CFAP299: variants seen among roughly 807,000 people sequenced by gnomAD.
CFAP299 encodes cilia and flagella associated protein 299, also known as cilia- and flagella-associated protein 299.
In CFAP299, 21 loss-of-function variants were observed where a neutral mutation model predicts 27.0. That is an observed-to-expected ratio of 0.78 (90% CI 0.55 to 1.12). CFAP299 has a LOEUF of 1.12. Ranked by LOEUF, CFAP299 falls within the 50% of genes most tolerant of loss-of-function variation. The pLI, the probability that CFAP299 is intolerant of heterozygous loss-of-function variation, is 0.00. For missense variants in CFAP299, 310 were observed against 276.6 expected (o/e 1.12, Z -0.86); for synonymous variants, 104 against 98.1 (o/e 1.06, Z -0.36).
chr4:80,495,924 G>T (rs1731414760), intron 2 of CFAP299, among the ~76,000 whole-genome samples: 1 of 152,200 alleles, frequency 6.6e-6, no homozygotes, highest in Non-Finnish European at 1.5e-5. Context: ...GCATGAATGG[G>T]ACAGTGTCCC....
chr4:80,393,246 G>C (rs1725590987), intron 2 of CFAP299, among the ~76,000 whole-genome samples: 1 of 152,080 alleles, frequency 6.6e-6, no homozygotes, highest in Admixed American at 6.6e-5. Context: ...TCTGTTTTAA[G>C]CTAAATGTAT....
intron 1 of CFAP299, among the ~76,000 whole-genome samples, chr4:80,342,276 C>G (rs1722496771): frequency 6.6e-6 from 1 of 152,168 alleles, no homozygotes. Context: ...CTTCCTGAGC[C>G]TAAGAAGATA....
intron 3 of CFAP299, among the ~76,000 whole-genome samples, chr4:80,710,498 TTTA>T (rs1722087813): frequency 9.2e-6 from 1 of 109,096 alleles, no homozygotes; most frequent in Non-Finnish European, 2.1e-5. Context: ...TTTTTTTTTT[TTTA>T]AAAAAAAAAA....
At chr4:80,618,903 TA>T (rs1738435752) in intron 3 of CFAP299, among the ~76,000 whole-genome samples, 1 of 152,004 alleles carries the variant, frequency 6.6e-6, no homozygotes, top group Non-Finnish European at 1.5e-5. Context: ...AGAAATAAAA[TA>T]AAAACTTTGT....
intron 2 of CFAP299, among the ~76,000 whole-genome samples, chr4:80,575,411 G>C (rs1735803316): frequency 6.6e-6 from 1 of 150,878 alleles, no homozygotes; most frequent in Non-Finnish European, 1.5e-5. Flanking sequence ...CTGCAGCCTT[G>C]ACTTCCCAGG....
intron 3 of CFAP299, among the ~76,000 whole-genome samples, chr4:80,829,524 C>T (rs1730182359): frequency 6.6e-6 from 1 of 151,816 alleles, no homozygotes; most frequent in Non-Finnish European, 1.5e-5. Context: ...GGCATTTCCT[C>T]AAAAATATTG....
At chr4:80,558,237 C>A (rs1335101592) in intron 2 of CFAP299, among the ~76,000 whole-genome samples, 1 of 152,040 alleles carries the variant, frequency 6.6e-6, no homozygotes, top group Non-Finnish European at 1.5e-5. Context: ...AATTGAATTA[C>A]CTTGGAAATA....
At chr4:80,354,251 C>A (rs1723152138) in intron 1 of CFAP299, among the ~76,000 whole-genome samples, 1 of 152,088 alleles carries the variant, frequency 6.6e-6, no homozygotes, top group Non-Finnish European at 1.5e-5. Context: ...AGGCAGTGAC[C>A]TGAAGGCACA....
In CFAP299 at chr4:80,865,944, A is replaced by G. The variant is rs1271826299; in HGVS notation, c.334-4049A>G. Among the ~76,000 whole-genome samples, 7 of 147,900 alleles carry G rather than the reference A, an allele frequency of 4.7e-5. No individual in the cohort carries two copies. The Admixed American group carries it at 4.8e-4, about 10-fold the overall frequency. On this transcript the variant is annotated intron_variant, in intron 3 of 5. Transcript: ENST00000358105. ...TGGGGTGGGGGGAGGGGGGAGGTAT[A>G]GCATTAGGAGATATACCTAAGGTAA...
chr4:80,830,226 A>G (rs1038954260), intron 3 of CFAP299, among the ~76,000 whole-genome samples: 3 of 152,092 alleles, frequency 2.0e-5, no homozygotes, highest in Non-Finnish European at 2.9e-5. Context: ...TGTGAAAATC[A>G]TCCAGATCCC....
chr4:80,794,488 C>T (rs1727742807), intron 3 of CFAP299, among the ~76,000 whole-genome samples: 1 of 152,124 alleles, frequency 6.6e-6, no homozygotes, highest in Non-Finnish European at 1.5e-5. Context: ...TTACCCCAGC[C>T]CTGCAAAGCA....
intron 3 of CFAP299, among the ~76,000 whole-genome samples, chr4:80,600,195 T>G (rs1236012511): frequency 1.3e-5 from 2 of 152,142 alleles, no homozygotes; most frequent in African/African-American, 2.4e-5. Flanking sequence ...CAAATATGCT[T>G]TCTTTCCATG....
At chr4:80,729,885 G>A (rs1315378598) in intron 3 of CFAP299, among the ~76,000 whole-genome samples, 1 of 152,056 alleles carries the variant, frequency 6.6e-6, no homozygotes, top group East Asian at 1.9e-4. Context: ...TTACAGGCAT[G>A]AGCCACAGCA....
At chr4:80,651,705 T>TGC (rs768725001) in intron 3 of CFAP299, among the ~76,000 whole-genome samples, 1 of 936 alleles carries the variant, frequency 1.1e-3, no homozygotes, top group Non-Finnish European at 4.5e-3. Flanking sequence ...GGTATGCACT[T>TGC]GTGTGTGTGT....
intron 3 of CFAP299, among the ~76,000 whole-genome samples, chr4:80,750,478 G>A (rs140413762): frequency 8.5e-5 from 13 of 152,196 alleles, no homozygotes; most frequent in African/African-American, 2.9e-4. Context: ...ATCCACCTGT[G>A]GCTTTACAGT....
At chr4:80,904,207 G>A (rs762408523) in intron 4 of CFAP299, among the ~76,000 whole-genome samples, 4 of 152,150 alleles carry the variant, frequency 2.6e-5, no homozygotes, top group African/African-American at 7.2e-5. Flanking sequence ...CACATTAACC[G>A]TATTAGAGGG....
chr4:80,456,378 C>G (rs1216408024), intron 2 of CFAP299, among the ~76,000 whole-genome samples: 2 of 151,926 alleles, frequency 1.3e-5, no homozygotes, highest in African/African-American at 4.8e-5. Flanking sequence ...GTAGTGAGAA[C>G]AAGAAGGCAA....
chr4:80,546,419 A>C (rs113086600), intron 2 of CFAP299, among the ~76,000 whole-genome samples: 3 of 152,192 alleles, frequency 2.0e-5, no homozygotes, highest in African/African-American at 7.2e-5. Context: ...GCTGCTTACC[A>C]AGGAGGTGAA....
chr4:80,916,757 A>G (rs1447572832), intron 4 of CFAP299, among the ~76,000 whole-genome samples: 1 of 152,170 alleles, frequency 6.6e-6, no homozygotes, highest in Non-Finnish European at 1.5e-5. Flanking sequence ...TATGAATTAT[A>G]AAAGACATTG....
Sources: allele counts gnomAD v4.1 joint callset (sites outside exome capture counted in the v4.1 genomes callset), GRCh38; gene constraint gnomAD v4.1.1; transcripts MANE v1.5; gene names NCBI Gene and HGNC (gene_info 2026-07-23, HGNC 2026-07-21).